FAM89A: variants seen among roughly 807,000 people sequenced by gnomAD.
FAM89A encodes the protein protein FAM89A.
A neutral mutation model predicts 7.1 loss-of-function variants in FAM89A; 10 were observed. That is an observed-to-expected ratio of 1.40 (90% CI 0.86 to 2.38). The LOEUF is 2.38. Among genes scored for constraint, FAM89A ranks in the 30% most tolerant of loss-of-function variants. The pLI is 0.00. For synonymous variants in FAM89A, 157 were observed against 129.3 expected, an observed-to-expected ratio of 1.21 and a Z score of -1.45; for missense variants, 276 against 262.8, an observed-to-expected ratio of 1.05 and a Z score of -0.35.
At chr1:231,036,650 C>G (rs1164378112) in intron 1 of FAM89A, among the ~76,000 whole-genome samples, 1 of 152,048 alleles carries the variant, frequency 6.6e-6, no homozygotes, top group Admixed American at 6.5e-5. Context: ...AGACCCTTCT[C>G]AGCCCTGGGC....
At chr1:231,031,076 C>T (rs533262143) in intron 1 of FAM89A, among the ~76,000 whole-genome samples, 1 of 152,166 alleles carries the variant, frequency 6.6e-6, no homozygotes, top group Non-Finnish European at 1.5e-5. Context: ...TGCCATTGCA[C>T]TCCAGCCTGG....
chr1:231,035,663 C>A (rs1462553219), intron 1 of FAM89A, among the ~76,000 whole-genome samples: 1 of 152,198 alleles, frequency 6.6e-6, no homozygotes, highest in Non-Finnish European at 1.5e-5. Context: ...GGACATCCTT[C>A]AACCACATGC....
In FAM89A at chr1:231,039,984, C is replaced by A; in HGVS notation, c.228G>T (p.Ala76=). ...TGGGAGGCTTGGCGGGCAGCGCTGC[C>A]GCCCGGGCCCCGCCGCCGCCCGGGC... The part of the protein sequence containing the change: ...RGGPGGGGAR[A]AALPAKPPNL... The change falls in exon 1 of 2, where the codon GCG becomes GCT. Residue 76 remains alanine, a synonymous_variant. Coordinates refer to ENST00000366654, the MANE Select transcript of FAM89A (RefSeq NM_198552.3). 2 of 1,377,898 alleles carry A rather than the reference C, an allele frequency of 1.5e-6. No individual in the cohort carries two copies. The highest frequency in any genetic ancestry group is 1.7e-5 in the South Asian group (1 of 59,598). The allele number at this position is 1,377,898 out of a possible 1,614,324, so 85.4% of individuals were successfully genotyped here.
At chr1:231,032,990 G>A (rs976693842) in intron 1 of FAM89A, among the ~76,000 whole-genome samples, 1 of 152,238 alleles carries the variant, frequency 6.6e-6, no homozygotes, top group African/African-American at 2.4e-5. Context: ...AACAGAGAGT[G>A]CCCACAAAAA....
chr1:231,028,035 C>CT (rs1296036273), intron 1 of FAM89A, among the ~76,000 whole-genome samples: 2 of 152,254 alleles, frequency 1.3e-5, no homozygotes, highest in African/African-American at 4.8e-5. Flanking sequence ...TCAGAGCAGA[C>CT]AGGCAGATAT....
intron 1 of FAM89A, among the ~76,000 whole-genome samples, chr1:231,033,703 A>G (rs1680113045): frequency 6.6e-6 from 1 of 152,238 alleles, no homozygotes; most frequent in Admixed American, 6.5e-5. Flanking sequence ...AAAAAAGGAG[A>G]AGGGTTGTAA....
At position 231,019,574 on chromosome 1, in the gene FAM89A, CTT is replaced by C. The variant is rs1293984253; in HGVS notation, c.*287_*288del. On this transcript the variant is annotated 3_prime_UTR_variant, in exon 2 of 2. Coordinates refer to ENST00000366654, the MANE Select transcript of FAM89A (RefSeq NM_198552.3). ...CACTAAGGCCTTTCACCGAGATCCT[CTT>C]GTTATATTCTCATTATGAATCCCCA... The C allele has an allele frequency of 2.6e-5, 9 of 345,048 alleles. No individual in the cohort carries two copies. The highest frequency in any genetic ancestry group is 1.0e-4 in the South Asian group (2 of 19,368). 21.4% of individuals were successfully genotyped at this position (345,048 alleles called of 1,614,324 possible).
chr1:231,031,361 T>C (rs1275658564), intron 1 of FAM89A, among the ~76,000 whole-genome samples: 1 of 152,192 alleles, frequency 6.6e-6, no homozygotes, highest in Non-Finnish European at 1.5e-5. Context: ...GACTGCTGTT[T>C]AGTGTGGAAT....
rs1015478283 is a variant in FAM89A at position 231,033,262 on chromosome 1, T to A, written c.291+6659A>T. Reference sequence around the variant, plus strand: ...GACACTGGCAACGGGGGCAAATATCTGAGCAGCCAGCCTCGGGGGATCGCT... The same window carrying A: ...GACACTGGCAACGGGGGCAAATATCAGAGCAGCCAGCCTCGGGGGATCGCT... On this transcript the variant is annotated intron_variant, in intron 1 of 1. Coordinates refer to ENST00000366654, the MANE Select transcript of FAM89A (RefSeq NM_198552.3). 3.9e-5 allele frequency among the ~76,000 whole-genome samples: 6 copies of A among 152,342 alleles called. No homozygotes were observed. In the South Asian group the frequency reaches 1.2e-3, roughly 32 times the overall value.
At chr1:231,032,360 C>T (rs1371318321) in intron 1 of FAM89A, among the ~76,000 whole-genome samples, 5 of 143,344 alleles carry the variant, frequency 3.5e-5, no homozygotes, top group Non-Finnish European at 7.6e-5. Flanking sequence ...CACTTTACAC[C>T]GCCCCACCCC....
intron 1 of FAM89A, among the ~76,000 whole-genome samples, chr1:231,032,647 T>C (rs1328334030): frequency 6.6e-6 from 1 of 152,040 alleles, no homozygotes; most frequent in Non-Finnish European, 1.5e-5. Context: ...GAGCTATACC[T>C]GTCAATATTT....
intron 1 of FAM89A, among the ~76,000 whole-genome samples, chr1:231,022,576 A>G (rs1315962801): frequency 6.6e-6 from 1 of 152,124 alleles, no homozygotes; most frequent in Non-Finnish European, 1.5e-5. Flanking sequence ...CCTGCCACAC[A>G]TTGACCAAGC....
chr1:231,026,500 C>T (rs894450555), intron 1 of FAM89A: 1 of 152,290 alleles, frequency 6.6e-6, no homozygotes, highest in East Asian at 1.9e-4. Context: ...CCACAGAGCC[C>T]TTGATGCTGG....
chr1:231,033,522 C>T (rs142744475), intron 1 of FAM89A, among the ~76,000 whole-genome samples: 1 of 152,150 alleles, frequency 6.6e-6, no homozygotes, highest in African/African-American at 2.4e-5. Flanking sequence ...ACAGCCATGT[C>T]GGTGAGACCA....
Position 231,019,580 on chromosome 1 carries a change from A to G in FAM89A, c.*283T>C, listed in dbSNP as rs138776125. Reference sequence around the variant, plus strand: ...GGCCTTTCACCGAGATCCTCTTGTTATATTCTCATTATGAATCCCCAGCAG... The same window carrying G: ...GGCCTTTCACCGAGATCCTCTTGTTGTATTCTCATTATGAATCCCCAGCAG... On this transcript the variant is annotated 3_prime_UTR_variant, in exon 2 of 2. Transcript: ENST00000366654. The G allele has an allele frequency of 2.2e-4, 83 of 372,608 alleles. No homozygotes were observed. The East Asian group carries it at 3.4e-3, about 15-fold the overall frequency. 23.1% of individuals were successfully genotyped at this position (372,608 alleles called of 1,614,324 possible). A position where few individuals can be genotyped will look rare whatever the true frequency, so the allele number is the denominator to read the frequency against.
At position 231,039,989 on chromosome 1, in the gene FAM89A, G is replaced by A. The variant is rs1401014485; in HGVS notation, c.223C>T (p.Arg75Trp). Reference sequence around the variant, plus strand: ...GGCTTGGCGGGCAGCGCTGCCGCCCGGGCCCCGCCGCCGCCCGGGCCCCCG... The same window carrying A: ...GGCTTGGCGGGCAGCGCTGCCGCCCAGGCCCCGCCGCCGCCCGGGCCCCCG... ...SRGGPGGGGA[R>W]AAALPAKPPN... Residue 75 changes from arginine to tryptophan, a missense_variant, in exon 1 of 2, where the codon CGG becomes TGG. Physicochemically the swap from Arg to Trp is moderately radical, Grantham distance 101 (BLOSUM62 -3). Coordinates refer to ENST00000366654, the MANE Select transcript of FAM89A (RefSeq NM_198552.3). 1 of 1,382,568 alleles carries A rather than the reference G, an allele frequency of 7.2e-7. No homozygotes were observed. Among genetic ancestry groups the A allele is most frequent in the Admixed American group, 3.5e-5 (1 of 28,472 alleles). The allele number at this position is 1,382,568 out of a possible 1,614,324, so 85.6% of individuals were successfully genotyped here.
chr1:231,021,848 G>A (rs1256297489), intron 1 of FAM89A: 1 of 1,596,178 alleles, frequency 6.3e-7, no homozygotes, highest in Non-Finnish European at 8.6e-7. Context: ...AAGGAGGAAT[G>A]CTAGGAGGCT....
chr1:231,027,424 G>A (rs1393321335), intron 1 of FAM89A, among the ~76,000 whole-genome samples: 1 of 152,016 alleles, frequency 6.6e-6, no homozygotes, highest in Admixed American at 6.6e-5. Context: ...AAGTTCAGAC[G>A]GATTTAACAA....
intron 1 of FAM89A, among the ~76,000 whole-genome samples, chr1:231,030,323 C>G (rs745756636): frequency 2.0e-5 from 3 of 152,204 alleles, no homozygotes; most frequent in Non-Finnish European, 2.9e-5. Flanking sequence ...AAACCCAAAG[C>G]ACATCCCACC....
Sources: allele counts gnomAD v4.1 joint callset (sites outside exome capture counted in the v4.1 genomes callset), GRCh38; gene constraint gnomAD v4.1.1; transcripts MANE v1.5; gene names NCBI Gene and HGNC (gene_info 2026-07-23, HGNC 2026-07-21).